KATNIP: variants seen among roughly 807,000 people sequenced by gnomAD.
KATNIP encodes the protein katanin-interacting protein.
KATNIP carries 126 observed loss-of-function variants against 174.0 expected under a neutral mutation model. The observed-to-expected ratio is 0.72, with a 90% CI of 0.63 to 0.84. KATNIP has a LOEUF of 0.84. Among genes scored for constraint, KATNIP ranks in the 40% least tolerant of loss-of-function variants. KATNIP has a pLI of 0.00. For synonymous variants in KATNIP, 810 were observed against 835.7 expected (o/e 0.97, Z 0.53); for missense variants, 1,958 against 2,109.7 (o/e 0.93, Z 1.41).
intron 9 of KATNIP, 39 bp downstream of exon 9, chr16:27,698,539 C>G (rs561431930): frequency 1.3e-6 from 2 of 1,557,056 alleles, no homozygotes; most frequent in South Asian, 2.4e-5. Context: ...GGGATGCTCC[C>G]TGGACTGGGC....
At chr16:27,609,578 G>A (rs1325432729) in intron 2 of KATNIP, among the ~76,000 whole-genome samples, 1 of 150,664 alleles carries the variant, frequency 6.6e-6, no homozygotes, top group Non-Finnish European at 1.5e-5. Context: ...CTTTAGTAGA[G>A]ACGGGGTTTC....
chr16:27,601,274 G>C (rs987066891), intron 2 of KATNIP, among the ~76,000 whole-genome samples: 7 of 152,128 alleles, frequency 4.6e-5, no homozygotes, highest in African/African-American at 1.7e-4. Context: ...CGTCCTGATG[G>C]GGGAGGCCAT....
At chr16:27,730,422 G>C (rs1256414132) in intron 14 of KATNIP, among the ~76,000 whole-genome samples, 2 of 152,084 alleles carry the variant, frequency 1.3e-5, no homozygotes, top group African/African-American at 2.4e-5. Flanking sequence ...TCCATTGCCT[G>C]TCTCATTTGC....
intron 15 of KATNIP, among the ~76,000 whole-genome samples, chr16:27,741,221 TCTC>T (rs891852596): frequency 3.3e-5 from 5 of 152,242 alleles, no homozygotes; most frequent in Admixed American, 3.3e-4. Context: ...AAGACTTTGT[TCTC>T]CTGCCTTTCA....
intron 14 of KATNIP, among the ~76,000 whole-genome samples, chr16:27,729,909 C>T (rs1597317748): frequency 6.6e-6 from 1 of 152,244 alleles, no homozygotes; most frequent in African/African-American, 2.4e-5. Context: ...CATGATACCT[C>T]ATTCCCGTGT....
intron 2 of KATNIP, among the ~76,000 whole-genome samples, chr16:27,602,251 C>G (rs1425939126): frequency 1.3e-5 from 2 of 152,170 alleles, no homozygotes; most frequent in Non-Finnish European, 2.9e-5. Context: ...CTTCTCAACT[C>G]AGGACTCGCT....
In KATNIP at chr16:27,771,622, G is replaced by A. The variant is rs774441172; in HGVS notation, c.4168G>A (p.Asp1390Asn). Residue 1390 changes from aspartate (D) to asparagine (N), a missense_variant, in exon 22 of 28, where the codon GAC (aspartate) becomes AAC (asparagine). Coordinates refer to ENST00000261588, the MANE Select transcript of KATNIP (RefSeq NM_015202.5). ...DMRSLECASM[D>N]YEAPLMPCGF... is the part of the protein sequence containing the mutation. ...GAGAAGCCTGGAGTGTGCAAGCATG[G>A]ACTACGAGGCACCGCTGATGCCCTG... is the stretch of plus-strand genomic sequence containing the variant. 1 of 1,613,586 alleles carries A rather than the reference G, an allele frequency of 6.2e-7. No homozygotes were observed. The highest frequency in any genetic ancestry group is 1.1e-5 in the South Asian group (1 of 90,924).
At chr16:27,669,198 C>G (rs941726186) in intron 6 of KATNIP, 2 of 763,132 alleles carry the variant, frequency 2.6e-6, no homozygotes, top group African/African-American at 3.8e-5. Context: ...AGAGGAAGCT[C>G]AGGCATAGAA....
At chr16:27,627,812 T>C (rs930112023) in intron 3 of KATNIP, among the ~76,000 whole-genome samples, 6 of 152,166 alleles carry the variant, frequency 3.9e-5, no homozygotes, top group African/African-American at 1.4e-4. Flanking sequence ...ATGTTGTTGA[T>C]GTAGGAGTGT....
At chr16:27,632,686 G>A (rs2076525092) in intron 5 of KATNIP, 1 of 453,024 alleles carries the variant, frequency 2.2e-6, no homozygotes, top group South Asian at 1.6e-5. Context: ...GGCTGGTTGG[G>A]AGGGGCAGCA....
rs571719383 is a variant in KATNIP at position 27,558,516 on chromosome 16, G to A, written c.7+8339G>A. On this transcript the variant is annotated intron_variant, in intron 1 of 27. Transcript: ENST00000261588. ...AGAAACTTCATAGTATGGTGAGAAA[G>A]CAGACATAAACAGATGACTACATTT... is the stretch of plus-strand genomic sequence containing the variant. 5.3e-5 allele frequency among the ~76,000 whole-genome samples: 8 copies of A among 152,314 alleles called. No homozygotes were observed. The East Asian group carries it at 1.5e-3, about 29-fold the overall frequency.
In KATNIP at chr16:27,740,826, GC is replaced by G. The variant is rs1324592431; in HGVS notation, c.2535del (p.Asn846ThrfsTer151). On this transcript the variant is annotated frameshift_variant, in exon 15 of 28. Transcript: ENST00000261588. LOFTEE classifies it high-confidence loss of function. ...GTGATGACTCAGACATCTTTAACCAGCCCCCCAACAGAGAGCGCCCTGCTAG... is the reference window on the plus strand; with the variant it reads ...GTGATGACTCAGACATCTTTAACCAGCCCCCAACAGAGAGCGCCCTGCTAG... Reference protein sequence around the residue: ...HSDDSDIFNQPPNRERPASGR... With the variant: ...HSDDSDIFNQXPNRERPASGR... 1 of 1,613,668 alleles carries G rather than the reference GC, an allele frequency of 6.2e-7. No individual in the cohort carries two copies. The highest frequency in any genetic ancestry group is 1.3e-5 in the African/African-American group (1 of 74,928).
In KATNIP at chr16:27,551,734, G is replaced by A. The variant is rs368559402; in HGVS notation, c.7+1557G>A. ...ACCTTGTCTCTACTAAAACTTAGCC[G>A]GACGTGGTGACACATGTCTGTAATC... is the stretch of plus-strand genomic sequence containing the variant. On this transcript the variant is annotated intron_variant, in intron 1 of 27. Coordinates refer to ENST00000261588, the MANE Select transcript of KATNIP (RefSeq NM_015202.5). Among the ~76,000 whole-genome samples, 12 of 151,444 alleles carry A rather than the reference G, an allele frequency of 7.9e-5. No individual in the cohort carries two copies. In the East Asian group the frequency reaches 2.2e-3, roughly 27 times the overall value.
At chr16:27,654,184 C>T (rs564211675) in intron 6 of KATNIP, among the ~76,000 whole-genome samples, 4 of 152,174 alleles carry the variant, frequency 2.6e-5, no homozygotes, top group Admixed American at 2.0e-4. Flanking sequence ...CCATGTTGGC[C>T]AGGCTAGTCT....
intron 16 of KATNIP, 22 bp from the exon 17 acceptor site, chr16:27,751,697 T>G: frequency 6.2e-7 from 1 of 1,611,278 alleles, no homozygotes; most frequent in Non-Finnish European, 8.5e-7. Context: ...TTGACCTTTC[T>G]GTCATCTTGA....
At chr16:27,640,856 C>A (rs974719158) in intron 5 of KATNIP, among the ~76,000 whole-genome samples, 11 of 152,002 alleles carry the variant, frequency 7.2e-5, no homozygotes, top group African/African-American at 2.7e-4. Flanking sequence ...GAGAGAGAGG[C>A]CGGGCGCGGA....
intron 1 of KATNIP, among the ~76,000 whole-genome samples, chr16:27,568,499 G>C (rs746173299): frequency 6.6e-6 from 1 of 151,694 alleles, no homozygotes. Flanking sequence ...ACCAAGTCTC[G>C]CTCTGTCGCC....
At chr16:27,667,742 T>A (rs990260909) in intron 6 of KATNIP, among the ~76,000 whole-genome samples, 1 of 152,218 alleles carries the variant, frequency 6.6e-6, no homozygotes, top group Non-Finnish European at 1.5e-5. Flanking sequence ...AAATAAAAGA[T>A]GCCATCATCA....
chr16:27,739,101 G>C (rs1352073263), intron 14 of KATNIP, among the ~76,000 whole-genome samples: 1 of 152,192 alleles, frequency 6.6e-6, no homozygotes, highest in Non-Finnish European at 1.5e-5. Context: ...GACCAATTAG[G>C]AGGCGGCAGT....
Sources: allele counts gnomAD v4.1 joint callset (sites outside exome capture counted in the v4.1 genomes callset), GRCh38; gene constraint gnomAD v4.1.1; transcripts MANE v1.5; gene names NCBI Gene and HGNC (gene_info 2026-07-23, HGNC 2026-07-21).